The following DNA2 variants were observed in gnomAD, a reference collection of about 807,000 sequenced individuals.
The protein encoded by DNA2 is DNA replication ATP-dependent helicase/nuclease DNA2.
A neutral mutation model predicts 119.1 loss-of-function variants in DNA2; 101 were observed. That is an observed-to-expected ratio of 0.85 (90% CI 0.72 to 1.00). The LOEUF (loss-of-function observed/expected upper bound fraction) is 1.00. Among genes scored for constraint, DNA2 ranks in the 50% least tolerant of loss-of-function variants. The pLI, the probability that DNA2 is intolerant of heterozygous loss-of-function variation, is 0.00. For missense variants in DNA2, 1,121 were observed against 1,255.5 expected (o/e 0.89, Z 1.62); for synonymous variants, 366 against 424.4 (o/e 0.86, Z 1.69).
intron 6 of DNA2, among the ~76,000 whole-genome samples, chr10:68,448,934 T>TAG (rs1448294451): frequency 1.3e-3 from 60 of 44,572 alleles, no homozygotes; most frequent in Non-Finnish European, 2.7e-3. Context: ...CCACACCAGG[T>TAG]GTGTGTGTGT....
intron 14 of DNA2, among the ~76,000 whole-genome samples, chr10:68,429,882 ATTTT>A (rs142420844): frequency 1.6e-5 from 2 of 123,642 alleles, no homozygotes; most frequent in African/African-American, 6.4e-5. Flanking sequence ...AAAAACCCGG[ATTTT>A]TTTTTTTTTT....
chr10:68,463,026 G>A (rs2052279116), intron 4 of DNA2, among the ~76,000 whole-genome samples: 1 of 152,032 alleles, frequency 6.6e-6, no homozygotes, highest in Non-Finnish European at 1.5e-5. Flanking sequence ...CAGCTAAAGA[G>A]AAGGCTGAGG....
At chr10:68,444,725 CAA>C (rs11356540) in intron 8 of DNA2, among the ~76,000 whole-genome samples, 194 bp downstream of exon 8, 93 of 117,880 alleles carry the variant, frequency 7.9e-4, no homozygotes, top group East Asian at 2.5e-3. Context: ...AAGTCCGTCT[CAA>C]AAAAAAAAAA....
At chr10:68,435,274 C>T (rs1047349159) in intron 10 of DNA2, among the ~76,000 whole-genome samples, 17 of 151,672 alleles carry the variant, frequency 1.1e-4, no homozygotes, top group African/African-American at 4.1e-4. Flanking sequence ...GTCTCAAACT[C>T]CTGGTCTCAA....
In DNA2 at chr10:68,415,049, T is replaced by C. The variant is rs1184665543; in HGVS notation, c.3173A>G (p.Gln1058Arg). 3 of 1,579,314 alleles carry C rather than the reference T, an allele frequency of 1.9e-6. No homozygotes were observed. Among genetic ancestry groups the C allele is most frequent in the Non-Finnish European group, 2.6e-6 (3 of 1,159,980 alleles). ...ESLCHILGDFQRE is the reference protein window; with the variant it reads ...ESLCHILGDFRRE ...AAGGGAAATAGTGTTTTATTCTCTT[T>C]GAAAGTCACCCAATATGTGGCAAAG... The change falls in exon 21 of 21, where the codon CAA (glutamine) becomes CGA (arginine). Residue 1058 changes from glutamine (Q) to arginine (R), a missense_variant. Gln to Arg is a conservative substitution (Grantham distance 43, BLOSUM62 1). Coordinates refer to ENST00000358410, the MANE Select transcript of DNA2 (RefSeq NM_001080449.3).
Position 68,465,770 on chromosome 10 carries a change from G to C in DNA2, c.484C>G (p.Leu162Val). 6.2e-7 allele frequency: 1 copy of C among 1,603,558 alleles called. No individual in the cohort carries two copies. Among genetic ancestry groups the C allele is most frequent in the Non-Finnish European group, 8.5e-7 (1 of 1,175,208 alleles). The change falls in exon 4 of 21, where the codon CTC becomes GTC. Residue 162 changes from leucine (L) to valine (V), a missense_variant. Physicochemically the swap from Leu to Val is conservative, Grantham distance 32. Coordinates refer to ENST00000358410, the MANE Select transcript of DNA2 (RefSeq NM_001080449.3). ...ATGGCTTTTTGAAACACCTCATGGAGAACCGTACCAATTAGCATTTGGCGT... is the reference window on the plus strand; with the variant it reads ...ATGGCTTTTTGAAACACCTCATGGACAACCGTACCAATTAGCATTTGGCGT... Reference protein sequence around the residue: ...ATRQMLIGTVLHEVFQKAINN... With the variant: ...ATRQMLIGTVVHEVFQKAINN...
intron 6 of DNA2, among the ~76,000 whole-genome samples, chr10:68,448,966 T>C (rs12768645): frequency 0.71 from 92,652 of 130,894 alleles, 31,323 homozygotes; most frequent in Non-Finnish European, 0.76. Context: ...TGTGTGTGTG[T>C]GCGTGTGTGT....
Position 68,430,429 on chromosome 10 carries a change from T to C in DNA2, c.2208+7A>G, listed in dbSNP as rs1172244029. On this transcript the variant is annotated splice_region_variant and intron_variant, in intron 14 of 20. Transcript: ENST00000358410. ...TGTTAGTATTATTATACAATAATTGTGCTTACTTGACTATTGTAGAGTTCT... is the reference window on the plus strand; with the variant it reads ...TGTTAGTATTATTATACAATAATTGCGCTTACTTGACTATTGTAGAGTTCT... The C allele has an allele frequency of 3.2e-6, 5 of 1,552,530 alleles. No individual in the cohort carries two copies. Among genetic ancestry groups the C allele is most frequent in the Non-Finnish European group, 4.4e-6 (5 of 1,133,982 alleles).
At chr10:68,456,930 C>G (rs10998192) in intron 5 of DNA2, among the ~76,000 whole-genome samples, 1,528 of 151,358 alleles carry the variant, frequency 0.01, 59 homozygotes, top group East Asian at 0.049. Context: ...GTCAGGAGAT[C>G]GAGACCATCC....
rs2051569145 is a variant in DNA2 at position 68,414,962 on chromosome 10, T to C, written c.*77A>G. On this transcript the variant is annotated 3_prime_UTR_variant, in exon 21 of 21. Coordinates refer to ENST00000358410, the MANE Select transcript of DNA2 (RefSeq NM_001080449.3). ...CATAAATACTGCATTAAATTTTGTA[T>C]GGTGATAGAATTTTCTGTATGGGCA... is the stretch of plus-strand genomic sequence containing the variant. The C allele has an allele frequency of 3.4e-6, 3 of 893,138 alleles. No homozygotes were observed. Among genetic ancestry groups the C allele is most frequent in the South Asian group, 3.7e-5 (2 of 54,388 alleles). The allele number at this position is 893,138 out of a possible 1,614,324, so 55.3% of individuals were successfully genotyped here.
intron 3 of DNA2, among the ~76,000 whole-genome samples, chr10:68,466,323 C>T (rs973634423): frequency 4.6e-5 from 7 of 152,096 alleles, no homozygotes; most frequent in Non-Finnish European, 1.0e-4. Flanking sequence ...AAAATATTCT[C>T]AAATAATTAA....
At chr10:68,451,478 G>A (rs1367376947) in intron 5 of DNA2, among the ~76,000 whole-genome samples, 1 of 152,050 alleles carries the variant, frequency 6.6e-6, no homozygotes, top group Non-Finnish European at 1.5e-5. Flanking sequence ...AGCAGTTACG[G>A]TTATTCTGCA....
chr10:68,425,940 G>C (rs935326263), intron 14 of DNA2, among the ~76,000 whole-genome samples: 1 of 151,518 alleles, frequency 6.6e-6, no homozygotes, highest in African/African-American at 2.4e-5. Context: ...TTCAAGACCA[G>C]CCTGGCCACC....
In DNA2 at chr10:68,426,313, G is replaced by A. The variant is rs189473116; in HGVS notation, c.2209-3423C>T. 4.0e-3 allele frequency among the ~76,000 whole-genome samples: 604 copies of A among 149,678 alleles called. 2 individuals are homozygous for A. The highest frequency in any genetic ancestry group is 6.2e-3 in the Non-Finnish European group (415 of 67,466). ...AGCACTTTGGGAGACTGAGGTGGGC[G>A]GATCACCTGAGGTCAGAAGTTTGAG... On this transcript the variant is annotated intron_variant, in intron 14 of 20. Coordinates refer to ENST00000358410, the MANE Select transcript of DNA2 (RefSeq NM_001080449.3).
rs919374154 is a variant in DNA2 at position 68,430,669 on chromosome 10, G to A, written c.1984-9C>T. 4 of 1,513,998 alleles carry A rather than the reference G, an allele frequency of 2.6e-6. No individual in the cohort carries two copies. In the Admixed American group the frequency reaches 7.2e-5, roughly 27 times the overall value. 93.8% of individuals were successfully genotyped at this position (1,513,998 alleles called of 1,614,324 possible). ...GCGTAGAGAATTCTTACCTAATAAT[G>A]GGTAAGAGAAAAAAGAAAAAACAGC... On this transcript the variant is annotated splice_polypyrimidine_tract_variant and intron_variant, in intron 13 of 20. Coordinates refer to ENST00000358410, the MANE Select transcript of DNA2 (RefSeq NM_001080449.3).
At chr10:68,420,634 G>C (rs1030733004) in intron 17 of DNA2, among the ~76,000 whole-genome samples, 1 of 151,568 alleles carries the variant, frequency 6.6e-6, no homozygotes, top group Non-Finnish European at 1.5e-5. Context: ...TAAAACTGCT[G>C]TCCTACCTCC....
Position 68,459,348 on chromosome 10 carries a change from A to T in DNA2, c.588-113T>A, listed in dbSNP as rs186272805. On this transcript the variant is annotated intron_variant, in intron 4 of 20. Coordinates refer to ENST00000358410, the MANE Select transcript of DNA2 (RefSeq NM_001080449.3). Reference sequence around the variant, plus strand: ...AAAGTAAACGAGGACAAAAAAATACATATAAGCAACCCAACTGTTCGTCAG... The same window carrying T: ...AAAGTAAACGAGGACAAAAAAATACTTATAAGCAACCCAACTGTTCGTCAG... 1,158 of 1,141,092 alleles carry T rather than the reference A, an allele frequency of 1.0e-3. 14 individuals carry two copies. Among genetic ancestry groups the T allele is most frequent in the Non-Finnish European group, 2.2e-4 (187 of 836,254 alleles). The allele number at this position is 1,141,092 out of a possible 1,614,324, so 70.7% of individuals were successfully genotyped here. A position where few individuals can be genotyped will look rare whatever the true frequency, so the allele number is the denominator to read the frequency against.
At chr10:68,461,828 CAAAAAA>C (rs554059657) in intron 4 of DNA2, among the ~76,000 whole-genome samples, 36 of 70,292 alleles carry the variant, frequency 5.1e-4, no homozygotes, top group East Asian at 2.5e-3. Flanking sequence ...AACTCCGTCT[CAAAAAA>C]AAAAAAAAAA....
At chr10:68,444,261 G>C (rs1390527423) in intron 8 of DNA2, among the ~76,000 whole-genome samples, 1 of 150,140 alleles carries the variant, frequency 6.7e-6, no homozygotes, top group Non-Finnish European at 1.5e-5. Flanking sequence ...GCGGTGGCGA[G>C]CGCCTGTAGT....
Sources: allele counts gnomAD v4.1 joint callset (sites outside exome capture counted in the v4.1 genomes callset), GRCh38; gene constraint gnomAD v4.1.1; transcripts MANE v1.5; gene names NCBI Gene and HGNC (gene_info 2026-07-23, HGNC 2026-07-21).